The following HMCN1 variants were observed in gnomAD, a reference collection of about 807,000 sequenced individuals.
HMCN1 encodes the protein hemicentin-1.
In HMCN1, 321 loss-of-function variants were observed where a neutral mutation model predicts 625.9. That is an observed-to-expected ratio of 0.51 (90% CI 0.47 to 0.56). The LOEUF (loss-of-function observed/expected upper bound fraction) is 0.56, where lower values mean the gene tolerates loss of function less well. Among genes scored for constraint, HMCN1 ranks in the 20% least tolerant of loss-of-function variants. The pLI, the probability that HMCN1 is intolerant of heterozygous loss-of-function variation, is 0.00. For missense variants in HMCN1, 6,588 were observed against 6,887.3 expected (o/e 0.96, Z 1.54); for synonymous variants, 2,425 against 2,417.6 (o/e 1.00, Z -0.09).
At chr1:185,819,955 G>C (rs1660084596) in intron 1 of HMCN1, among the ~76,000 whole-genome samples, 1 of 152,102 alleles carries the variant, frequency 6.6e-6, no homozygotes. Context: ...AGTCACAGGA[G>C]AAGAAAAAGA....
intron 1 of HMCN1, among the ~76,000 whole-genome samples, chr1:185,782,309 A>G (rs1054722132): frequency 2.5e-4 from 38 of 152,220 alleles, no homozygotes; most frequent in Non-Finnish European, 4.1e-4. Context: ...CAATTTGCCC[A>G]TCTGTGTCTT....
At chr1:186,145,722 T>C in intron 92 of HMCN1, 31 bp from the exon 93 acceptor site, 1 of 1,614,128 alleles carries the variant, frequency 6.2e-7, no homozygotes, top group Non-Finnish European at 8.5e-7. Flanking sequence ...AGCCAATTTC[T>C]TAACAGTGAC....
In HMCN1 at chr1:185,990,570, A is replaced by G; in HGVS notation, c.3377+127A>G. On this transcript the variant is annotated intron_variant, in intron 22 of 106. Transcript: ENST00000271588. ...TTTAAAATTGAGATAATTCACATGT[A>G]CATCTGAGTCTACAGGAAGTATTTA... 2.0e-5 allele frequency: 15 copies of G among 763,712 alleles called. No homozygotes were observed. The South Asian group carries it at 2.2e-4, about 11-fold the overall frequency. 47.3% of individuals were successfully genotyped at this position (763,712 alleles called of 1,614,324 possible). A position where few individuals can be genotyped will look rare whatever the true frequency, so the allele number is the denominator to read the frequency against.
chr1:185,858,586 ATTTTTTTTTTTTTTTTTTTTTTT>A lies in HMCN1; in HGVS notation c.340-5859_340-5837del, dbSNP rs71101980. On this transcript the variant is annotated intron_variant, in intron 2 of 106. Transcript: ENST00000271588. ...GCCTATATGCCACCACACCCAGCTA[ATTTTTTTTTTTTTTTTTTTTTTT>A]TTTTTTTTTTTTTTTTTTTTTTTTA... Among the ~76,000 whole-genome samples, 101 of 34,748 alleles carry A rather than the reference ATTTTTTTTTTTTTTTTTTTTTTT, an allele frequency of 2.9e-3. 1 individual carries two copies. Among genetic ancestry groups the A allele is most frequent in the Admixed American group, 7.7e-3 (20 of 2,600 alleles). The allele number at this position is 34,748 out of a possible 152,430, so 22.8% of individuals were successfully genotyped here. A position where few individuals can be genotyped will look rare whatever the true frequency, so the allele number is the denominator to read the frequency against.
rs562760413 is a variant in HMCN1, at chr1:185,951,082, T to C, written c.1829-11436T>C. ...TAAGGGTGATTAGGTTTTAATGAGA[T>C]GGTAAGGGGTGCATGATCGGTCACC... On this transcript the variant is annotated intron_variant, in intron 11 of 106. Transcript: ENST00000271588. Among the ~76,000 whole-genome samples the C allele has an allele frequency of 1.9e-4, 29 of 151,336 alleles. No homozygotes were observed. The East Asian group carries it at 5.6e-3, about 29-fold the overall frequency.
intron 4 of HMCN1, among the ~76,000 whole-genome samples, chr1:185,901,458 A>G (rs1175107064): frequency 6.6e-6 from 1 of 151,786 alleles, no homozygotes; most frequent in Non-Finnish European, 1.5e-5. Context: ...AGGGAATAAG[A>G]TTTAGAGTCC....
At chr1:186,039,559 G>C (rs906886943) in intron 38 of HMCN1, among the ~76,000 whole-genome samples, 169 bp from the exon 39 acceptor site, 2 of 152,104 alleles carry the variant, frequency 1.3e-5, no homozygotes, top group African/African-American at 2.4e-5. Context: ...TTATCTCACA[G>C]GATGGCTGTG....
intron 1 of HMCN1, among the ~76,000 whole-genome samples, chr1:185,838,477 T>C (rs866201374): frequency 6.6e-6 from 1 of 152,120 alleles, no homozygotes; most frequent in South Asian, 2.1e-4. Flanking sequence ...TGTTCCCATA[T>C]ACAGATTCCT....
At chr1:186,110,974 A>ATTATTTTTTTTTTTTTTTTTTTTTT (rs778503338) in intron 71 of HMCN1, among the ~76,000 whole-genome samples, 1 of 59,952 alleles carries the variant, frequency 1.7e-5, no homozygotes, top group African/African-American at 1.6e-4. Context: ...ACCAGAGAAA[A>ATTATTTTTTTTTTTTTTTTTTTTTT]TTCTTTTTTT....
intron 5 of HMCN1, among the ~76,000 whole-genome samples, chr1:185,909,910 C>G (rs1036328918): frequency 2.0e-5 from 3 of 152,014 alleles, no homozygotes. Flanking sequence ...TCCACTCTAT[C>G]ATTTTCTTGA....
chr1:186,008,176 A>G (rs190625541), intron 30 of HMCN1, among the ~76,000 whole-genome samples: 6 of 152,214 alleles, frequency 3.9e-5, no homozygotes, highest in Non-Finnish European at 4.4e-5. Flanking sequence ...TTTGTTTTGC[A>G]TGTTCCCTAC....
In HMCN1 at chr1:186,117,542, G is replaced by A. The variant is rs1049505134; in HGVS notation, c.11767G>A (p.Val3923Ile). The change falls in exon 77 of 107, where the codon GTT becomes ATT. Residue 3923 changes from valine (V) to isoleucine (I), a missense_variant. By Grantham distance (29) the Val-to-Ile change is conservative. Transcript: ENST00000271588. ...PAVITCTASG[V>I]PFPSIHWTKN... is the part of the protein sequence containing the mutation. The stretch of plus-strand genomic sequence containing the variant: ...AGTAATTACCTGCACTGCTTCGGGA[G>A]TTCCATTTCCCTCAATTCACTGGAC... 6.2e-7 allele frequency: 1 copy of A among 1,613,842 alleles called. No individual in the cohort carries two copies. The highest frequency in any genetic ancestry group is 1.1e-5 in the South Asian group (1 of 91,080).
At chr1:185,942,450 T>C (rs1027252404) in intron 11 of HMCN1, among the ~76,000 whole-genome samples, 1 of 152,144 alleles carries the variant, frequency 6.6e-6, no homozygotes, top group Non-Finnish European at 1.5e-5. Context: ...CTCAATGCAT[T>C]GACTGCTGGG....
intron 82 of HMCN1, among the ~76,000 whole-genome samples, chr1:186,127,599 A>G (rs1055499132): frequency 4.6e-5 from 7 of 152,126 alleles, no homozygotes; most frequent in African/African-American, 7.2e-5. Flanking sequence ...AAATGCATCA[A>G]GAAAGATGAG....
intron 11 of HMCN1, among the ~76,000 whole-genome samples, chr1:185,953,159 T>C (rs1649359866): frequency 6.6e-6 from 1 of 150,546 alleles, no homozygotes; most frequent in Admixed American, 6.6e-5. Context: ...TGAGGGGTAC[T>C]TGCCCCTCCC....
chr1:185,909,447 G>A lies in HMCN1; in HGVS notation c.732G>A (p.Leu244=), dbSNP rs761514053. ...GGAGAATTCCTTTTGATCCCAGCCTGAAAGAGGTCACTGTGTCTTTGAGTG... is the reference window on the plus strand; with the variant it reads ...GGAGAATTCCTTTTGATCCCAGCCTAAAAGAGGTCACTGTGTCTTTGAGTG... The part of the protein sequence containing the change: ...NTWRIPFDPS[L]KEVTVSLSGP... Residue 244 remains leucine, a synonymous_variant, in exon 5 of 107, where the codon CTG becomes CTA. Transcript: ENST00000271588. The A allele has an allele frequency of 3.1e-6, 5 of 1,613,670 alleles. No homozygotes were observed. The highest frequency in any genetic ancestry group is 3.4e-6 in the Non-Finnish European group (4 of 1,179,692).
rs1654525643 is a variant in HMCN1, at chr1:185,747,891, G to A, written c.268+12844G>A. The stretch of plus-strand genomic sequence containing the variant: ...TAGCAGGTGGAAGGAATTCCTTGAT[G>A]TTCTCAGGCTGTAAGGCATGCTGAT... On this transcript the variant is annotated intron_variant, in intron 1 of 106. Coordinates refer to ENST00000271588, the MANE Select transcript of HMCN1 (RefSeq NM_031935.3). Among the ~76,000 whole-genome samples, 3 of 152,110 alleles carry A rather than the reference G, an allele frequency of 2.0e-5. 1 individual carries two copies. The highest frequency in any genetic ancestry group is 2.0e-4 in the Admixed American group (3 of 15,270).
At chr1:185,756,156 C>T (rs1655119900) in intron 1 of HMCN1, among the ~76,000 whole-genome samples, 1 of 152,074 alleles carries the variant, frequency 6.6e-6, no homozygotes, top group Non-Finnish European at 1.5e-5. Flanking sequence ...TGGAGAGATT[C>T]TTTAAAACAA....
chr1:185,778,317 C>A (rs558084779), intron 1 of HMCN1, among the ~76,000 whole-genome samples: 2 of 151,514 alleles, frequency 1.3e-5, no homozygotes, highest in Non-Finnish European at 2.9e-5. Flanking sequence ...CCCATTCCCT[C>A]GGAAAATTGT....
Sources: allele counts gnomAD v4.1 joint callset (sites outside exome capture counted in the v4.1 genomes callset), GRCh38; gene constraint gnomAD v4.1.1; transcripts MANE v1.5; gene names NCBI Gene and HGNC (gene_info 2026-07-23, HGNC 2026-07-21).